Variants in KMO observed in about 807,000 individuals in gnomAD.
The protein encoded by KMO is kynurenine 3-hydroxylase.
In KMO, 24 loss-of-function variants were observed where a neutral mutation model predicts 57.8. That is an observed-to-expected ratio of 0.42 (90% CI 0.30 to 0.58). The LOEUF (loss-of-function observed/expected upper bound fraction) is 0.58. Among genes scored for constraint, KMO ranks in the 20% least tolerant of loss-of-function variants. KMO has a pLI of 0.22. For synonymous variants in KMO, 210 were observed against 193.6 expected (o/e 1.08, Z -0.70); for missense variants, 483 against 588.2 (o/e 0.82, Z 1.85).
At chr1:241,552,094 A>G (rs1055049722) in intron 4 of KMO, among the ~76,000 whole-genome samples, 5 of 152,122 alleles carry the variant, frequency 3.3e-5, no homozygotes, top group African/African-American at 1.2e-4. Flanking sequence ...AAATATCAGA[A>G]AAGCTAAATG....
At chr1:241,544,791 T>C (rs935497678) in intron 1 of KMO, among the ~76,000 whole-genome samples, 1 of 152,194 alleles carries the variant, frequency 6.6e-6, no homozygotes, top group African/African-American at 2.4e-5. Context: ...GATAAAATTA[T>C]ATGACTTAAA....
chr1:241,550,858 G>T, intron 3 of KMO, 97 bp from the exon 4 acceptor site: 1 of 614,114 alleles, frequency 1.6e-6, no homozygotes. Context: ...AAATTTCTTG[G>T]AGAATATATG....
intron 8 of KMO, among the ~76,000 whole-genome samples, chr1:241,565,632 G>A (rs1340200212): frequency 6.6e-6 from 1 of 151,858 alleles, no homozygotes; most frequent in Non-Finnish European, 1.5e-5. Context: ...GCTGAGGTGG[G>A]AGGATTGCTT....
intron 8 of KMO, among the ~76,000 whole-genome samples, chr1:241,565,583 C>T (rs1402472883): frequency 1.4e-5 from 2 of 144,626 alleles, no homozygotes; most frequent in African/African-American, 2.5e-5. Context: ...AAAAAAAATG[C>T]CAGGCATGGT....
intron 11 of KMO, among the ~76,000 whole-genome samples, chr1:241,587,466 C>CT (rs911070834): frequency 2.6e-4 from 39 of 149,802 alleles, no homozygotes; most frequent in East Asian, 3.9e-4. Flanking sequence ...GCATCTAATA[C>CT]TTTTTTTTTT....
At chr1:241,543,542 G>A (rs946808013) in intron 1 of KMO, among the ~76,000 whole-genome samples, 5 of 151,900 alleles carry the variant, frequency 3.3e-5, no homozygotes, top group African/African-American at 1.2e-4. Flanking sequence ...CCGCTTTTTT[G>A]TTTGTCTATT....
intron 10 of KMO, among the ~76,000 whole-genome samples, chr1:241,586,272 C>T (rs572925888): frequency 1.4e-5 from 2 of 144,338 alleles, no homozygotes; most frequent in African/African-American, 5.2e-5. Context: ...GATCTCGGCT[C>T]ACTGCAACCT....
Position 241,555,621 on chromosome 1 carries a change from T to C in KMO, c.322T>C (p.Ser108Pro). 1 of 1,560,540 alleles carries C rather than the reference T, an allele frequency of 6.4e-7. No individual in the cohort carries two copies. The highest frequency in any genetic ancestry group is 8.8e-7 in the Non-Finnish European group (1 of 1,132,818). Residue 108 changes from serine (S) to proline (P), a missense_variant, in exon 5 of 15, where the codon TCT becomes CCT. By Grantham distance (74) the Ser-to-Pro change is moderately conservative. This residue lies in a region of KMO where 410 missense variants were observed against 492.3 expected (regional missense o/e 0.83). Transcript: ENST00000366559. ...TCTACTTTTCTTGCAGTATATTCTT[T>C]CTGTAAGCAGAGAAAATCTAAACAA... ...PYGTKSQYIL[S>P]VSRENLNKDL... is the part of the protein sequence containing the mutation.
Position 241,593,320 on chromosome 1 carries a change from C to T in KMO, c.*1167C>T, listed in dbSNP as rs1253012670. The T allele has an allele frequency of 2.5e-6, 1 of 407,310 alleles. No homozygotes were observed. The highest frequency in any genetic ancestry group is 5.5e-6 in the Non-Finnish European group (1 of 182,664). 25.2% of individuals were successfully genotyped at this position (407,310 alleles called of 1,614,324 possible). ...CAGCAATACACTTGATTTTTAAAAG[C>T]ACATTTAGTGAAATGTTTTCTTTGG... On this transcript the variant is annotated 3_prime_UTR_variant, in exon 15 of 15. Coordinates refer to ENST00000366559, the MANE Select transcript of KMO (RefSeq NM_003679.5).
intron 10 of KMO, among the ~76,000 whole-genome samples, chr1:241,583,746 T>C (rs1228949047): frequency 2.0e-5 from 3 of 152,190 alleles, no homozygotes; most frequent in African/African-American, 7.2e-5. Flanking sequence ...AAAAAATACT[T>C]CCAATCAAAA....
chr1:241,566,948 A>G (rs1054460706), intron 9 of KMO, among the ~76,000 whole-genome samples: 2 of 152,200 alleles, frequency 1.3e-5, no homozygotes, highest in Non-Finnish European at 2.9e-5. Context: ...AATCTTTGGC[A>G]CAGCAGATAC....
chr1:241,590,302 G>A (rs1362408028), intron 14 of KMO, 39 bp downstream of exon 14: 7 of 1,410,704 alleles, frequency 5.0e-6, no homozygotes, highest in Non-Finnish European at 6.0e-6. Context: ...TTAATGTGGT[G>A]TTTTGAAATG....
Position 241,594,276 on chromosome 1 carries a change from G to A in KMO, c.*2123G>A, listed in dbSNP as rs1345038320. On this transcript the variant is annotated 3_prime_UTR_variant, in exon 15 of 15. Coordinates refer to ENST00000366559, the MANE Select transcript of KMO (RefSeq NM_003679.5). Reference sequence around the variant, plus strand: ...TTGTTTTTGTTCAACCTCTTCCTGAGGCCCAAGAGCATATGGGCAATTCGG... The same window carrying A: ...TTGTTTTTGTTCAACCTCTTCCTGAAGCCCAAGAGCATATGGGCAATTCGG... 5 of 803,084 alleles carry A rather than the reference G, an allele frequency of 6.2e-6. No homozygotes were observed. Among genetic ancestry groups the A allele is most frequent in the Non-Finnish European group, 9.6e-6 (5 of 518,406 alleles). The allele number at this position is 803,084 out of a possible 1,614,324, so 49.7% of individuals were successfully genotyped here.
chr1:241,545,612 G>A (rs916960593), intron 1 of KMO, among the ~76,000 whole-genome samples: 6 of 152,080 alleles, frequency 3.9e-5, no homozygotes. Context: ...ATCTTAACTT[G>A]ATTACCTATA....
intron 1 of KMO, among the ~76,000 whole-genome samples, chr1:241,539,110 C>T (rs141706905): frequency 3.2e-3 from 494 of 152,102 alleles, no homozygotes; most frequent in Non-Finnish European, 5.3e-3. Flanking sequence ...TGGCTGGGCA[C>T]GGTGGCTCAG....
At chr1:241,585,244 A>AT (rs1464305782) in intron 10 of KMO, among the ~76,000 whole-genome samples, 19 of 149,816 alleles carry the variant, frequency 1.3e-4, no homozygotes, top group African/African-American at 3.5e-4. Flanking sequence ...TAATTAATTA[A>AT]TAATTAAATT....
At chr1:241,574,670 A>G (rs923440784) in intron 10 of KMO, among the ~76,000 whole-genome samples, 4 of 151,898 alleles carry the variant, frequency 2.6e-5, no homozygotes, top group Non-Finnish European at 5.9e-5. Flanking sequence ...TTGGTTAGCT[A>G]GTATGTTGCT....
intron 9 of KMO, 61 bp downstream of exon 9, chr1:241,566,673 G>A: frequency 6.4e-7 from 1 of 1,573,350 alleles, no homozygotes; most frequent in Non-Finnish European, 8.7e-7. Flanking sequence ...TCAAATAAAG[G>A]TTATGCACCT....
At chr1:241,561,992 G>C (rs1380628329) in intron 6 of KMO, 175 bp from the exon 7 acceptor site, 1 of 595,282 alleles carries the variant, frequency 1.7e-6, no homozygotes, top group Non-Finnish European at 3.0e-6. Flanking sequence ...ACTTATGACT[G>C]GGACAAGTGT....
Sources: allele counts gnomAD v4.1 joint callset (sites outside exome capture counted in the v4.1 genomes callset), GRCh38; gene constraint gnomAD v4.1.1; regional missense constraint gnomAD v4.1.1; transcripts MANE v1.5; gene names NCBI Gene and HGNC (gene_info 2026-07-23, HGNC 2026-07-21).